TRAM2: variants seen among roughly 807,000 people sequenced by gnomAD.
TRAM2 encodes translocation associated membrane protein 2.
In TRAM2, 12 loss-of-function variants were observed where a neutral mutation model predicts 51.0. That is an observed-to-expected ratio of 0.24 (90% confidence interval 0.15 to 0.38). The LOEUF is 0.38. Among genes scored for constraint, TRAM2 ranks in the 10% least tolerant of loss-of-function variants. The pLI, the probability that TRAM2 is intolerant of heterozygous loss-of-function variation, is 1.00. For synonymous variants in TRAM2, 175 were observed against 179.4 expected (o/e 0.98, Z 0.20); for missense variants, 361 against 462.0 (o/e 0.78, Z 2.00).
intron 1 of TRAM2, among the ~76,000 whole-genome samples, chr6:52,567,430 T>C (rs1767607301): frequency 6.6e-6 from 1 of 152,248 alleles, no homozygotes. Flanking sequence ...AGTAGGTGTA[T>C]GTGCTGAATG....
At chr6:52,543,674 T>C (rs1767145527) in intron 1 of TRAM2, among the ~76,000 whole-genome samples, 1 of 152,180 alleles carries the variant, frequency 6.6e-6, no homozygotes, top group Admixed American at 6.5e-5. Context: ...ATTTCAGCTG[T>C]AGTTTTTAAA....
chr6:52,542,042 GT>G (rs1767092811), intron 1 of TRAM2, among the ~76,000 whole-genome samples: 5 of 152,142 alleles, frequency 3.3e-5, no homozygotes, highest in African/African-American at 1.2e-4. Flanking sequence ...GAAACACAGG[GT>G]AAAGCCAAGT....
rs989835518 is a variant in TRAM2 at position 52,502,978 on chromosome 6, A to G, written c.*219T>C. 1.7e-6 allele frequency: 1 copy of G among 595,646 alleles called. No homozygotes were observed. Among genetic ancestry groups the G allele is most frequent in the Non-Finnish European group, 3.0e-6 (1 of 335,358 alleles). The allele number at this position is 595,646 out of a possible 1,614,324, so 36.9% of individuals were successfully genotyped here. A position where few individuals can be genotyped will look rare whatever the true frequency, so the allele number is the denominator to read the frequency against. On this transcript the variant is annotated 3_prime_UTR_variant, in exon 11 of 11. Coordinates refer to ENST00000182527, the MANE Select transcript of TRAM2 (RefSeq NM_012288.4). ...ACAGGAGGTGGCCTGAGGGGGAGAA[A>G]GAGAAAGATTTTTGGCTTTATTGAG...
rs1223918888 is a variant in TRAM2 at position 52,516,011 on chromosome 6, C to T, written c.406G>A (p.Val136Met). Residue 136 changes from valine (V) to methionine (M), a missense_variant, in exon 4 of 11, where the codon GTG becomes ATG. Coordinates refer to ENST00000182527, the MANE Select transcript of TRAM2 (RefSeq NM_012288.4). ...CAGTCCTGAGAATGGCTCACCGTCA[C>T]CACCACGTAGAAGCACCAAATCACC... is the stretch of plus-strand genomic sequence containing the variant. ...TSVIWCFYVVVTEGYLTNPRS... is the reference protein window; with the variant it reads ...TSVIWCFYVVMTEGYLTNPRS... 6.2e-7 allele frequency: 1 copy of T among 1,614,144 alleles called. No homozygotes were observed. Among genetic ancestry groups the T allele is most frequent in the Non-Finnish European group, 8.5e-7 (1 of 1,179,972 alleles).
At chr6:52,565,479 G>C (rs968071810) in intron 1 of TRAM2, among the ~76,000 whole-genome samples, 22 of 152,130 alleles carry the variant, frequency 1.4e-4, no homozygotes, top group African/African-American at 5.3e-4. Flanking sequence ...GCAAACTACA[G>C]TCATGCATGG....
intron 1 of TRAM2, among the ~76,000 whole-genome samples, chr6:52,563,720 G>A (rs945216883): frequency 6.8e-6 from 1 of 147,332 alleles, no homozygotes; most frequent in African/African-American, 2.5e-5. Context: ...AAAAAAAAGT[G>A]GTTACTTGGG....
chr6:52,538,396 C>T (rs372178657), intron 1 of TRAM2, among the ~76,000 whole-genome samples: 16 of 152,142 alleles, frequency 1.1e-4, no homozygotes, highest in African/African-American at 3.9e-4. Context: ...GGGGTCACTA[C>T]GGGGGATGGG....
At chr6:52,552,722 G>C (rs1317980114) in intron 1 of TRAM2, among the ~76,000 whole-genome samples, 1 of 152,180 alleles carries the variant, frequency 6.6e-6, no homozygotes, top group Non-Finnish European at 1.5e-5. Flanking sequence ...GCGACACTCA[G>C]ATCTACTTTT....
rs201045969 is a variant in TRAM2, at chr6:52,526,969, C to CA, written c.184+8813dup. On this transcript the variant is annotated intron_variant, in intron 2 of 10. Coordinates refer to ENST00000182527, the MANE Select transcript of TRAM2 (RefSeq NM_012288.4). Reference sequence around the variant, plus strand: ...AAAATAATCTCTCAAGAATCACATACAAAAAAATTTTTTTTAATTAAGGCT... The same window carrying CA: ...AAAATAATCTCTCAAGAATCACATACAAAAAAAATTTTTTTTAATTAAGGCT... Among the ~76,000 whole-genome samples the CA allele has an allele frequency of 7.4e-3, 1,128 of 151,586 alleles. 11 individuals carry two copies. Among genetic ancestry groups the CA allele is most frequent in the Middle Eastern group, 0.027 (8 of 294 alleles).
At chr6:52,522,405 T>C (rs530499283) in intron 2 of TRAM2, among the ~76,000 whole-genome samples, 32 of 152,290 alleles carry the variant, frequency 2.1e-4, no homozygotes, top group African/African-American at 7.5e-4. Context: ...TTACGTGAAA[T>C]CATCTGATTT....
At chr6:52,544,570 A>C (rs894816371) in intron 1 of TRAM2, among the ~76,000 whole-genome samples, 1 of 152,232 alleles carries the variant, frequency 6.6e-6, no homozygotes, top group African/African-American at 2.4e-5. Flanking sequence ...CACACTCGGC[A>C]CTGGCGTTTG....
chr6:52,522,188 A>G (rs1054555959), intron 2 of TRAM2, among the ~76,000 whole-genome samples: 1 of 152,260 alleles, frequency 6.6e-6, no homozygotes, highest in Non-Finnish European at 1.5e-5. Context: ...TAACCTTACT[A>G]AAATAAATAC....
chr6:52,509,502 T>C (rs1562475725), intron 5 of TRAM2, 26 bp downstream of exon 5: 2 of 1,610,832 alleles, frequency 1.2e-6, no homozygotes, highest in African/African-American at 2.7e-5. Flanking sequence ...CGCTCCTCCC[T>C]GGGGCTGAGT....
At position 52,502,969 on chromosome 6, in the gene TRAM2, G is replaced by T; in HGVS notation, c.*228C>A. 1.7e-6 allele frequency: 1 copy of T among 591,724 alleles called. No homozygotes were observed. Among genetic ancestry groups the T allele is most frequent in the Non-Finnish European group, 3.0e-6 (1 of 332,780 alleles). The allele number at this position is 591,724 out of a possible 1,614,324, so 36.7% of individuals were successfully genotyped here. On this transcript the variant is annotated 3_prime_UTR_variant, in exon 11 of 11. Coordinates refer to ENST00000182527, the MANE Select transcript of TRAM2 (RefSeq NM_012288.4). ...GGAGTGAGGACAGGAGGTGGCCTGAGGGGGAGAAAGAGAAAGATTTTTGGC... is the reference window on the plus strand; with the variant it reads ...GGAGTGAGGACAGGAGGTGGCCTGATGGGGAGAAAGAGAAAGATTTTTGGC...
chr6:52,527,271 G>A (rs1003101534), intron 2 of TRAM2, among the ~76,000 whole-genome samples: 47 of 151,698 alleles, frequency 3.1e-4, no homozygotes, highest in African/African-American at 1.0e-3. Context: ...CTTGCTACTC[G>A]GGAGGCTGAG....
chr6:52,556,342 A>G (rs190308567), intron 1 of TRAM2, among the ~76,000 whole-genome samples: 17 of 151,522 alleles, frequency 1.1e-4, no homozygotes, highest in African/African-American at 4.1e-4. Flanking sequence ...GTGCAGTGGC[A>G]CAATCTCAGC....
Position 52,550,509 on chromosome 6 carries a change from C to T in TRAM2, c.121-14663G>A, listed in dbSNP as rs116484377. 9.0e-3 allele frequency among the ~76,000 whole-genome samples: 1,376 copies of T among 152,216 alleles called. 21 individuals carry two copies. Among genetic ancestry groups the T allele is most frequent in the African/African-American group, 0.031 (1,295 of 41,542 alleles). ...CTAACACCATATGATAATAATTAACCTCATCAACGTAACTGCTGGCAATGG... is the reference window on the plus strand; with the variant it reads ...CTAACACCATATGATAATAATTAACTTCATCAACGTAACTGCTGGCAATGG... On this transcript the variant is annotated intron_variant, in intron 1 of 10. Transcript: ENST00000182527.
At chr6:52,509,634 C>T (rs781321735) in intron 4 of TRAM2, 48 bp from the exon 5 acceptor site, 1 of 1,593,910 alleles carries the variant, frequency 6.3e-7, no homozygotes, top group Non-Finnish European at 8.6e-7. Context: ...GACGTGAGAC[C>T]TGCTGGGGCC....
rs185298967 is a variant in TRAM2 at position 52,499,521 on chromosome 6, G to T, written c.*3676C>A. 1.3e-5 allele frequency: 2 copies of T among 152,290 alleles called. No homozygotes were observed. Among genetic ancestry groups the T allele is most frequent in the African/African-American group, 4.8e-5 (2 of 41,558 alleles). 9.4% of individuals were successfully genotyped at this position (152,290 alleles called of 1,614,324 possible). A position where few individuals can be genotyped will look rare whatever the true frequency, so the allele number is the denominator to read the frequency against. On this transcript the variant is annotated 3_prime_UTR_variant, in exon 11 of 11. Transcript: ENST00000182527. ...GGTCGGCAACCCACTTCCAATTAAAGCATCCATGGAAGATAAGAATTTTGT... is the reference window on the plus strand; with the variant it reads ...GGTCGGCAACCCACTTCCAATTAAATCATCCATGGAAGATAAGAATTTTGT...
Sources: allele counts gnomAD v4.1 joint callset (sites outside exome capture counted in the v4.1 genomes callset), GRCh38; gene constraint gnomAD v4.1.1; transcripts MANE v1.5; gene names NCBI Gene and HGNC (gene_info 2026-07-23, HGNC 2026-07-21).